The following CAPS2 variants were observed in gnomAD, a reference collection of about 807,000 sequenced individuals.
CAPS2 encodes the protein calcyphosin-2.
CAPS2 carries 98 observed loss-of-function variants against 86.5 expected under a neutral mutation model. That is an observed-to-expected ratio of 1.13 (90% CI 0.96 to 1.34). The LOEUF (loss-of-function observed/expected upper bound fraction) is 1.34. CAPS2 is among the 40% of genes most tolerant of loss of function. The probability of loss-of-function intolerance (pLI) is 0.00; values close to 1 mark genes in which losing one functional copy is unlikely to be tolerated. For missense variants in CAPS2, 729 were observed against 686.8 expected, an observed-to-expected ratio of 1.06 and a Z score of -0.69; for synonymous variants, 210 against 225.1, an observed-to-expected ratio of 0.93 and a Z score of 0.60.
intron 1 of CAPS2, among the ~76,000 whole-genome samples, chr12:75,388,343 G>A (rs934942412): frequency 3.3e-5 from 5 of 152,094 alleles, no homozygotes; most frequent in African/African-American, 1.2e-4. Flanking sequence ...GTCTTTATTA[G>A]TGGCATGAGA....
upstream of CAPS2, chr12:75,334,929 T>TA: frequency 3.1e-6 from 5 of 1,600,158 alleles, no homozygotes; most frequent in Non-Finnish European, 4.3e-6. Context: ...GCTGGGCTCT[T>TA]AAATCCCTGA....
At chr12:75,353,536 A>T (rs1159407238) in intron 1 of CAPS2, among the ~76,000 whole-genome samples, 1 of 152,182 alleles carries the variant, frequency 6.6e-6, no homozygotes, top group Non-Finnish European at 1.5e-5. Flanking sequence ...ACAGGACCAG[A>T]CAGATTTACA....
chr12:75,369,545 A>C (rs562462643), intron 1 of CAPS2: 1 of 982,528 alleles, frequency 1.0e-6, no homozygotes, highest in African/African-American at 1.7e-5. Flanking sequence ...GATGTGGAAA[A>C]GACATCGAGA....
chr12:75,375,375 A>G (rs2044598770), intron 1 of CAPS2, among the ~76,000 whole-genome samples: 1 of 152,174 alleles, frequency 6.6e-6, no homozygotes, highest in Non-Finnish European at 1.5e-5. Context: ...GCTCAGAGCC[A>G]ATATCCAGTA....
chr12:75,335,883 T>G (rs1257652989), intron 1 of CAPS2, among the ~76,000 whole-genome samples: 1 of 152,012 alleles, frequency 6.6e-6, no homozygotes, highest in Non-Finnish European at 1.5e-5. Context: ...ATATTAGTAT[T>G]AATATGGTTG....
At chr12:75,351,126 AGGC>A (rs1399818222) in intron 1 of CAPS2, among the ~76,000 whole-genome samples, 32 of 152,306 alleles carry the variant, frequency 2.1e-4, no homozygotes, top group African/African-American at 7.7e-4. Flanking sequence ...TGCTGAAATA[AGGC>A]AGGCAGACAA....
At chr12:75,298,720 T>C (rs752659267) in exon 11 of CAPS2, 1 of 1,614,016 alleles carries the variant, frequency 6.2e-7, no homozygotes, top group Non-Finnish European at 8.5e-7. Context: ...ATTGTTTTCC[T>C]TTTCTTCGTC....
At chr12:75,324,708 A>C (rs1368272574) in intron 2 of CAPS2, among the ~76,000 whole-genome samples, 4 of 152,134 alleles carry the variant, frequency 2.6e-5, no homozygotes, top group Non-Finnish European at 5.9e-5. Context: ...TTTTTAAAAA[A>C]GCTCTGTAAT....
chr12:75,333,247 CAG>C (rs1467605796), upstream of CAPS2, among the ~76,000 whole-genome samples: 8 of 32,340 alleles, frequency 2.5e-4, no homozygotes, highest in Admixed American at 1.2e-3. Context: ...TGTCTATAGG[CAG>C]ACACACACAC....
intron 8 of CAPS2, among the ~76,000 whole-genome samples, chr12:75,300,963 G>A (rs576484182): frequency 1.3e-5 from 2 of 152,318 alleles, no homozygotes; most frequent in South Asian, 2.1e-4. Context: ...TAACTAAAGA[G>A]TGGGGAAGAG....
intron 1 of CAPS2, among the ~76,000 whole-genome samples, chr12:75,344,756 T>G (rs1369395655): frequency 6.6e-6 from 1 of 152,270 alleles, no homozygotes; most frequent in East Asian, 1.9e-4. Context: ...GCTGTCTTTT[T>G]GGGTACAGCT....
intron 1 of CAPS2, chr12:75,363,090 T>C: frequency 1.4e-6 from 2 of 1,460,158 alleles, no homozygotes; most frequent in Non-Finnish European, 9.3e-7. Context: ...TCAATGTTTC[T>C]CTTTTTTACA....
intron 8 of CAPS2, among the ~76,000 whole-genome samples, chr12:75,300,511 G>A (rs1175780915): frequency 7.5e-6 from 1 of 133,170 alleles, no homozygotes; most frequent in Non-Finnish European, 1.5e-5. Context: ...AGCCGAGATC[G>A]CGCCACTGCA....
chr12:75,293,363 G>T, exon 12 of CAPS2: 1 of 1,601,898 alleles, frequency 6.2e-7, no homozygotes, highest in Non-Finnish European at 8.5e-7. Context: ...TGTCAAGGTT[G>T]CACCCTAAAC....
At chr12:75,388,812 G>A (rs2045423451) in intron 1 of CAPS2, among the ~76,000 whole-genome samples, 1 of 152,148 alleles carries the variant, frequency 6.6e-6, no homozygotes, top group African/African-American at 2.4e-5. Context: ...ATGGATAAAT[G>A]TAGGTTCATC....
exon 14 of CAPS2, chr12:75,289,693 T>A (rs1258674958): frequency 6.2e-7 from 1 of 1,613,280 alleles, no homozygotes; most frequent in African/African-American, 1.3e-5. Flanking sequence ...GTCCATTTCC[T>A]TCCTTGTCCA....
upstream of CAPS2, among the ~76,000 whole-genome samples, chr12:75,327,456 A>T (rs966900801): frequency 6.6e-6 from 1 of 152,168 alleles, no homozygotes; most frequent in South Asian, 2.1e-4. Context: ...TTTCATTGAA[A>T]TTTTTTATAT....
At position 75,339,070 on chromosome 12, in the gene CAPS2, C is replaced by G. The variant is rs117708357; in HGVS notation, c.-394-15848G>C. Among the ~76,000 whole-genome samples the G allele has an allele frequency of 6.6e-5, 10 of 152,144 alleles. 1 individual carries two copies. The highest frequency in any genetic ancestry group is 5.9e-4 in the Admixed American group (9 of 15,278). On this transcript the variant is annotated intron_variant, in intron 1 of 5. Coordinates refer to the CAPS2 transcript ENST00000551829. ...ATAGTGTGCAGTGAATATACATGTGCATGTATGCTTATAATAGAATGATCT... is the reference window on the plus strand; with the variant it reads ...ATAGTGTGCAGTGAATATACATGTGGATGTATGCTTATAATAGAATGATCT...
chr12:75,291,591 ATATATATATATATATATATATT>A lies in CAPS2; in HGVS notation c.1240+131_1240+152del, dbSNP rs1346346061. ...AGTATATATATATATATATATATAT[ATATATATATATATATATATATT>A]CTTTTTTAAATAAGCAAAGGGTAAA... On this transcript the variant is annotated intron_variant, in intron 13 of 16. Transcript: ENST00000393284. Among the ~76,000 whole-genome samples, 180 of 95,918 alleles carry A rather than the reference ATATATATATATATATATATATT, an allele frequency of 1.9e-3. 7 individuals are homozygous for A. Among genetic ancestry groups the A allele is most frequent in the East Asian group, 0.013 (32 of 2,470 alleles). The allele number at this position is 95,918 out of a possible 152,430, so 62.9% of individuals were successfully genotyped here.
Sources: allele counts gnomAD v4.1 joint callset (sites outside exome capture counted in the v4.1 genomes callset), GRCh38; gene constraint gnomAD v4.1.1; transcripts MANE v1.5; gene names NCBI Gene and HGNC (gene_info 2026-07-23, HGNC 2026-07-21).